Variants in MID1 observed in about 807,000 individuals in gnomAD.
MID1 encodes E3 ubiquitin-protein ligase Midline-1.
A neutral mutation model predicts 40.4 loss-of-function variants in MID1; 7 were observed. The ratio of observed to expected loss-of-function variants is 0.17; its 90% CI spans 0.10 to 0.33. MID1 has a LOEUF of 0.33. MID1 is among the 10% of genes least tolerant of loss of function. MID1 has a pLI of 1.00. For synonymous variants in MID1, 229 were observed against 221.2 expected (o/e 1.04, Z -0.31); for missense variants, 367 against 558.5 (o/e 0.66, Z 3.46).
At chrX:10,729,833 C>T (rs770506509) in intron 1 of MID1, among the ~76,000 whole-genome samples, 1 of 111,368 alleles carries the variant, frequency 9.0e-6, no homozygotes, top group African/African-American at 3.3e-5. Flanking sequence ...GCCTGTAATC[C>T]CAGCACTTTG....
At chrX:10,596,123 T>C (rs1279014831) in intron 1 of MID1, among the ~76,000 whole-genome samples, 2 of 112,165 alleles carry the variant, frequency 1.8e-5, no homozygotes, top group South Asian at 3.7e-4. Flanking sequence ...AAAAGACAAA[T>C]AGTTAAACAT....
At chrX:10,720,941 C>G (rs1393159641) in intron 1 of MID1, among the ~76,000 whole-genome samples, 1 of 107,094 alleles carries the variant, frequency 9.3e-6, no homozygotes, top group South Asian at 4.2e-4. Flanking sequence ...AGCAAACTAT[C>G]GCAAGGACAA....
chrX:10,573,157 A>C (rs1934784386), intron 1 of MID1, among the ~76,000 whole-genome samples: 3 of 112,644 alleles, frequency 2.7e-5, no homozygotes, highest in African/African-American at 9.7e-5. Context: ...ATGGAAAATT[A>C]ATAAGTAGAT....
chrX:10,636,820 A>G (rs918479341), intron 1 of MID1, among the ~76,000 whole-genome samples: 1 of 91,723 alleles, frequency 1.1e-5, no homozygotes, highest in Admixed American at 1.2e-4. Flanking sequence ...ATATATATAC[A>G]CCACTGGTGA....
At chrX:10,601,990 G>A (rs1935534257) in intron 1 of MID1, among the ~76,000 whole-genome samples, 1 of 106,482 alleles carries the variant, frequency 9.4e-6, no homozygotes, top group Non-Finnish European at 1.9e-5. Context: ...TCCGCCTCCC[G>A]GGTTCACGCC....
chrX:10,579,001 T>C (rs866895556), intron 1 of MID1, among the ~76,000 whole-genome samples: 22 of 112,681 alleles, frequency 2.0e-4, no homozygotes, highest in Middle Eastern at 4.6e-3. Context: ...ACAATGTGCA[T>C]GTATACATAA....
intron 2 of MID1, among the ~76,000 whole-genome samples, chrX:10,547,897 C>T (rs887848364): frequency 9.0e-6 from 1 of 110,857 alleles, no homozygotes; most frequent in African/African-American, 3.3e-5. Context: ...GGTAGGACCG[C>T]AAATCACCTC....
chrX:10,795,009 T>C (rs1480948875), intron 1 of MID1, among the ~76,000 whole-genome samples: 1 of 111,667 alleles, frequency 9.0e-6, no homozygotes, highest in Non-Finnish European at 1.9e-5. Context: ...GCAGGATTTC[T>C]CAGCCTAGGC....
At chrX:10,526,375 T>C (rs1237694666) in intron 2 of MID1, among the ~76,000 whole-genome samples, 1 of 111,616 alleles carries the variant, frequency 9.0e-6, no homozygotes, top group Non-Finnish European at 1.9e-5. Context: ...CTAATCACTT[T>C]ATGGTCAGAG....
At position 10,566,924 on chromosome X, in the gene MID1, C is replaced by T. The variant is rs760936188; in HGVS notation, c.624G>A (p.Gln208=). Residue 208 remains glutamine, a synonymous_variant, in exon 2 of 10, where the codon CAG becomes CAA. Transcript: ENST00000317552. ...CKLVGRHRDH[Q]VAALSERYDK... ...CATAGCGCTCACTCAAAGCTGCCAC[C>T]TGATGATCGCGGTGCCGCCCAACCA... 47 of 1,210,035 alleles carry T rather than the reference C, an allele frequency of 3.9e-5. No homozygotes were observed. Among genetic ancestry groups the T allele is most frequent in the Non-Finnish European group, 5.0e-5 (45 of 895,298 alleles).
At chrX:10,494,771 CAAAAAAAAAAAA>C (rs58092232) in intron 4 of MID1, among the ~76,000 whole-genome samples, 1 of 31,982 alleles carries the variant, frequency 3.1e-5, no homozygotes. Flanking sequence ...AAGACTGTCT[CAAAAAAAAAAAA>C]AAAAAAAAAG....
intron 3 of MID1, chrX:10,501,427 G>A (rs1220575080): frequency 2.0e-5 from 23 of 1,153,583 alleles, no homozygotes; most frequent in Non-Finnish European, 2.4e-5. Context: ...TCTAGAGTCA[G>A]TTTTCTTTCG....
chrX:10,519,844 T>C (rs1302469239), intron 3 of MID1, among the ~76,000 whole-genome samples: 1 of 112,150 alleles, frequency 8.9e-6, no homozygotes. Flanking sequence ...CTAACTCATG[T>C]GTTTCTCTTA....
chrX:10,580,933 TAAAAAAAAAAAA>T (rs757426965), intron 1 of MID1, among the ~76,000 whole-genome samples: 14 of 58,499 alleles, frequency 2.4e-4, no homozygotes, highest in African/African-American at 8.1e-4. Flanking sequence ...TGGTGTCCTG[TAAAAAAAAAAAA>T]AAAAAAAAAA....
intron 4 of MID1, among the ~76,000 whole-genome samples, chrX:10,492,962 GAGAA>G (rs1334685632): frequency 2.7e-5 from 3 of 112,080 alleles, no homozygotes; most frequent in Non-Finnish European, 5.6e-5. Context: ...TAGCTCATGA[GAGAA>G]ACCCTGGTGG....
intron 8 of MID1, among the ~76,000 whole-genome samples, chrX:10,459,430 G>C (rs1928887575): frequency 1.8e-5 from 2 of 112,242 alleles, no homozygotes; most frequent in Admixed American, 1.9e-4. Context: ...GAGTAATGCA[G>C]AGAGAGTAAT....
chrX:10,605,971 A>T (rs1298671051), intron 1 of MID1, among the ~76,000 whole-genome samples: 1 of 111,118 alleles, frequency 9.0e-6, no homozygotes, highest in African/African-American at 3.3e-5. Context: ...TTCCCGGGAG[A>T]TTCATATTAC....
chrX:10,810,694 C>CTGTGTGTGTGTG (rs1296699151), intron 1 of MID1, among the ~76,000 whole-genome samples: 1 of 73,423 alleles, frequency 1.4e-5, no homozygotes, highest in African/African-American at 4.9e-5. Flanking sequence ...TTGTTGTTTT[C>CTGTGTGTGTGTG]TCTGTGTGTG....
intron 3 of MID1, among the ~76,000 whole-genome samples, chrX:10,504,132 G>A (rs1931699082): frequency 8.9e-6 from 1 of 111,847 alleles, no homozygotes; most frequent in Admixed American, 9.5e-5. Context: ...ACTTGAGGAA[G>A]TCTTCCCGGG....
Sources: allele counts gnomAD v4.1 joint callset (sites outside exome capture counted in the v4.1 genomes callset), GRCh38; gene constraint gnomAD v4.1.1; transcripts MANE v1.5; gene names NCBI Gene and HGNC (gene_info 2026-07-23, HGNC 2026-07-21).